The following SH3KBP1 variants were observed in gnomAD, a reference collection of about 807,000 sequenced individuals.
SH3KBP1 encodes SH3 domain-containing kinase-binding protein 1.
A neutral mutation model predicts 50.1 loss-of-function variants in SH3KBP1; 8 were observed. That is an observed-to-expected ratio of 0.16 (90% CI 0.09 to 0.29). The LOEUF is 0.29. Ranked by LOEUF, SH3KBP1 falls within the 10% of genes least tolerant of loss-of-function variation. The pLI, the probability that SH3KBP1 is intolerant of heterozygous loss-of-function variation, is 1.00. For missense variants in SH3KBP1, 377 were observed against 535.2 expected (o/e 0.70, Z 2.92); for synonymous variants, 227 against 218.6 (o/e 1.04, Z -0.34).
At chrX:19,828,611 G>C (rs774754607) in intron 2 of SH3KBP1, among the ~76,000 whole-genome samples, 3 of 109,471 alleles carry the variant, frequency 2.7e-5, no homozygotes, top group Non-Finnish European at 5.7e-5. Context: ...GTGAAACCCC[G>C]TCTATACAAA....
chrX:19,553,021 C>T (rs1179279072), intron 13 of SH3KBP1, among the ~76,000 whole-genome samples: 1 of 111,382 alleles, frequency 9.0e-6, no homozygotes, highest in East Asian at 2.8e-4. Flanking sequence ...TTTGGAGGGC[C>T]ACAGAGGTGC....
intron 6 of SH3KBP1, among the ~76,000 whole-genome samples, chrX:19,671,371 AACAC>A (rs745414505): frequency 5.9e-5 from 6 of 101,896 alleles, no homozygotes; most frequent in East Asian, 2.9e-4. Context: ...ATTACTCATA[AACAC>A]ACACACACAC....
intron 8 of SH3KBP1, among the ~76,000 whole-genome samples, chrX:19,609,993 G>A (rs952316522): frequency 1.8e-5 from 2 of 111,430 alleles, no homozygotes; most frequent in Non-Finnish European, 3.8e-5. Context: ...TGCCCCAGTG[G>A]TATCTGTTAC....
intron 1 of SH3KBP1, among the ~76,000 whole-genome samples, chrX:19,871,675 G>T (rs1330136937): frequency 1.8e-5 from 2 of 111,983 alleles, no homozygotes; most frequent in Non-Finnish European, 3.8e-5. Flanking sequence ...AAAAGGCCAA[G>T]GCGTTGAGAT....
chrX:19,551,842 A>G (rs1167731122), intron 13 of SH3KBP1, among the ~76,000 whole-genome samples: 1 of 111,180 alleles, frequency 9.0e-6, no homozygotes, highest in Non-Finnish European at 1.9e-5. Context: ...ACACACTTGG[A>G]TGGATGCAAA....
At chrX:19,755,369 AAAAT>A (rs1033436458) in intron 2 of SH3KBP1, among the ~76,000 whole-genome samples, 2 of 111,911 alleles carry the variant, frequency 1.8e-5, no homozygotes, top group Middle Eastern at 4.2e-3. Context: ...ACTCTGTCTC[AAAAT>A]AAATAAATAA....
intron 2 of SH3KBP1, among the ~76,000 whole-genome samples, chrX:19,766,331 A>T (rs2065603506): frequency 9.2e-6 from 1 of 109,090 alleles, no homozygotes. Flanking sequence ...CTGTCTATTC[A>T]AGTCCCTTGC....
At chrX:19,800,105 G>A (rs1332947404) in intron 2 of SH3KBP1, among the ~76,000 whole-genome samples, 2 of 111,424 alleles carry the variant, frequency 1.8e-5, no homozygotes, top group Non-Finnish European at 3.8e-5. Flanking sequence ...GGACATGCAC[G>A]GGAAACAAAG....
intron 15 of SH3KBP1, among the ~76,000 whole-genome samples, chrX:19,545,606 G>A (rs997501048): frequency 1.8e-5 from 2 of 111,818 alleles, no homozygotes; most frequent in Admixed American, 9.5e-5. Flanking sequence ...GACGTCTCAC[G>A]GCTTTTTAAA....
At chrX:19,778,716 C>T (rs1295158760) in intron 2 of SH3KBP1, among the ~76,000 whole-genome samples, 3 of 110,568 alleles carry the variant, frequency 2.7e-5, no homozygotes, top group African/African-American at 9.9e-5. Flanking sequence ...GACTTTCCAC[C>T]TATGAGGAGT....
intron 2 of SH3KBP1, among the ~76,000 whole-genome samples, chrX:19,797,890 A>AAC (rs60418789): frequency 0.025 from 2,440 of 97,311 alleles, 36 homozygotes; most frequent in South Asian, 0.048. Flanking sequence ...AAGTGCCCTA[A>AAC]ACACACACAC....
At chrX:19,631,796 C>A in intron 8 of SH3KBP1, 68 bp downstream of exon 8, 1 of 680,580 alleles carries the variant, frequency 1.5e-6, no homozygotes, top group Non-Finnish European at 2.3e-6. Context: ...GAAGCAAAAG[C>A]TTATACTGTC....
Position 19,688,508 on chromosome X carries a change from A to C in SH3KBP1, c.521-4480T>G, listed in dbSNP as rs981447679. 7.2e-5 allele frequency among the ~76,000 whole-genome samples: 8 copies of C among 111,554 alleles called. No homozygotes were observed. The Admixed American group carries it at 7.6e-4, about 11-fold the overall frequency. On this transcript the variant is annotated intron_variant, in intron 5 of 17. Coordinates refer to ENST00000397821, the MANE Select transcript of SH3KBP1 (RefSeq NM_031892.3). ...TACAGGTAGAGATTGTCAATAGCATAAGGCTGAACACTTGGCTAAAGCCCA... is the reference window on the plus strand; with the variant it reads ...TACAGGTAGAGATTGTCAATAGCATCAGGCTGAACACTTGGCTAAAGCCCA...
At chrX:19,724,929 C>T (rs1032706760) in intron 3 of SH3KBP1, among the ~76,000 whole-genome samples, 1 of 111,288 alleles carries the variant, frequency 9.0e-6, no homozygotes, top group Non-Finnish European at 1.9e-5. Context: ...CCTGCCCACG[C>T]TGCCTGGGGA....
Position 19,569,083 on chromosome X carries a change from A to G in SH3KBP1, c.1384+20T>C, listed in dbSNP as rs1157964390. 1.7e-6 allele frequency: 2 copies of G among 1,186,721 alleles called. No individual in the cohort carries two copies. Among genetic ancestry groups the G allele is most frequent in the East Asian group, 5.9e-5 (2 of 33,783 alleles). ...TTTACTAACTCTGCAAAGAGAAGCG[A>G]GAACACTGTCCTTACTCACCAATGT... is the stretch of plus-strand genomic sequence containing the variant. On this transcript the variant is annotated intron_variant, in intron 13 of 17. Coordinates refer to ENST00000397821, the MANE Select transcript of SH3KBP1 (RefSeq NM_031892.3).
chrX:19,835,404 G>T (rs1227395050), intron 2 of SH3KBP1, among the ~76,000 whole-genome samples: 1 of 111,135 alleles, frequency 9.0e-6, no homozygotes, highest in East Asian at 2.8e-4. Context: ...CTCCCAAAGT[G>T]CTGGGATTAT....
At chrX:19,806,113 T>C (rs1208205957) in intron 2 of SH3KBP1, among the ~76,000 whole-genome samples, 1 of 111,967 alleles carries the variant, frequency 8.9e-6, no homozygotes, top group African/African-American at 3.3e-5. Flanking sequence ...TCTCCAGTCA[T>C]GTACTTAATA....
At chrX:19,649,222 T>C (rs761066682) in intron 6 of SH3KBP1, among the ~76,000 whole-genome samples, 23 of 111,964 alleles carry the variant, frequency 2.1e-4, no homozygotes, top group African/African-American at 6.2e-4. Flanking sequence ...ACACCAGCCA[T>C]GCACTAAGGG....
At chrX:19,790,400 C>A (rs2066495542) in intron 2 of SH3KBP1, among the ~76,000 whole-genome samples, 1 of 111,545 alleles carries the variant, frequency 9.0e-6, no homozygotes, top group Admixed American at 9.5e-5. Flanking sequence ...TGGGGGCCTA[C>A]AAGGGGGAGA....
Sources: gnomAD v4.1 joint callset for allele counts (sites outside exome capture counted in the v4.1 genomes callset) on GRCh38, gnomAD v4.1.1 for gene constraint, MANE v1.5 for transcripts, NCBI Gene and HGNC (gene_info 2026-07-23, HGNC 2026-07-21) for gene names.